Variants in CADM2 observed in about 807,000 individuals in gnomAD.
The protein encoded by CADM2 is immunoglobulin superfamily member 4D.
CADM2 carries 12 observed loss-of-function variants against 49.8 expected under a neutral mutation model. The ratio of observed to expected loss-of-function variants is 0.24; its 90% confidence interval spans 0.15 to 0.39. CADM2 has a LOEUF of 0.39. Among genes scored for constraint, CADM2 ranks in the 10% least tolerant of loss-of-function variants. The probability of loss-of-function intolerance (pLI) is 1.00; values close to 1 mark genes in which losing one functional copy is unlikely to be tolerated. For synonymous variants in CADM2, 214 were observed against 175.4 expected (o/e 1.22, Z -1.74); for missense variants, 378 against 492.3 (o/e 0.77, Z 2.20).
intron 1 of CADM2, among the ~76,000 whole-genome samples, chr3:85,306,025 AG>A (rs1226675811): frequency 1.3e-5 from 2 of 151,710 alleles, no homozygotes; most frequent in Non-Finnish European, 3.0e-5. Flanking sequence ...CCAAAAATGT[AG>A]GTCAAAACCT....
chr3:85,216,024 C>T (rs561939401), intron 1 of CADM2, among the ~76,000 whole-genome samples: 7 of 152,022 alleles, frequency 4.6e-5, no homozygotes, highest in Middle Eastern at 3.4e-3. Flanking sequence ...CTTACTATGA[C>T]GTTAAAGCCA....
intron 1 of CADM2, among the ~76,000 whole-genome samples, chr3:85,657,799 T>C (rs2065260322): frequency 6.7e-6 from 1 of 149,176 alleles, no homozygotes; most frequent in Non-Finnish European, 1.5e-5. Context: ...TTGAGTTAAA[T>C]TGTGTCCTCT....
chr3:85,065,098 T>C (rs1330127081), intron 1 of CADM2, among the ~76,000 whole-genome samples: 1 of 152,058 alleles, frequency 6.6e-6, no homozygotes, highest in Non-Finnish European at 1.5e-5. Flanking sequence ...ATAATACTAA[T>C]TTTTTTCCCA....
intron 8 of CADM2, among the ~76,000 whole-genome samples, chr3:86,061,986 T>TG (rs11456162): frequency 0.31 from 41,287 of 132,728 alleles, 5,900 homozygotes; most frequent in East Asian, 0.42. Flanking sequence ...CTGTTGATGG[T>TG]GGGGGGGGGG....
intron 1 of CADM2, among the ~76,000 whole-genome samples, chr3:85,464,543 A>T (rs1425387193): frequency 6.6e-6 from 1 of 152,162 alleles, no homozygotes; most frequent in Admixed American, 6.6e-5. Flanking sequence ...CTTAACTTTA[A>T]GGTGAGTCCA....
chr3:85,151,852 A>C (rs1252891284), intron 1 of CADM2, among the ~76,000 whole-genome samples: 1 of 152,212 alleles, frequency 6.6e-6, no homozygotes, highest in Non-Finnish European at 1.5e-5. Flanking sequence ...AGGTAGATTG[A>C]CTTGAACAAA....
intron 1 of CADM2, among the ~76,000 whole-genome samples, chr3:85,450,373 A>G (rs2037698989): frequency 6.6e-6 from 1 of 152,152 alleles, no homozygotes; most frequent in Admixed American, 6.6e-5. Context: ...AAATATGTAC[A>G]TATACACATA....
At chr3:85,619,132 C>T (rs1013407433) in intron 1 of CADM2, among the ~76,000 whole-genome samples, 2 of 151,880 alleles carry the variant, frequency 1.3e-5, no homozygotes, top group African/African-American at 4.8e-5. Context: ...GAAAAACAGA[C>T]AGGGTATTAA....
chr3:85,088,485 T>G (rs897511682), intron 1 of CADM2, among the ~76,000 whole-genome samples: 30 of 152,138 alleles, frequency 2.0e-4, no homozygotes, highest in African/African-American at 7.2e-4. Context: ...TAATGAAGTT[T>G]GTCTGAAACC....
At chr3:85,996,869 C>G (rs1288484045) in intron 8 of CADM2, among the ~76,000 whole-genome samples, 1 of 152,104 alleles carries the variant, frequency 6.6e-6, no homozygotes. Context: ...AGTCTTAAAA[C>G]AAGATAAACA....
intron 1 of CADM2, among the ~76,000 whole-genome samples, chr3:85,629,511 AT>A (rs1345953814): frequency 1.3e-5 from 2 of 151,942 alleles, no homozygotes; most frequent in Non-Finnish European, 2.9e-5. Flanking sequence ...TATATATTTA[AT>A]TGAAAGTAGC....
intron 1 of CADM2, among the ~76,000 whole-genome samples, chr3:85,524,922 T>C (rs58828944): frequency 0.51 from 78,258 of 152,016 alleles, 23,124 homozygotes; most frequent in East Asian, 0.85. Flanking sequence ...ATTTATTGTT[T>C]TGAAACCTAT....
At chr3:85,352,219 C>T (rs1267554442) in intron 1 of CADM2, among the ~76,000 whole-genome samples, 3 of 151,982 alleles carry the variant, frequency 2.0e-5, no homozygotes, top group Non-Finnish European at 4.4e-5. Context: ...TCCAAAGCAG[C>T]TTTATAGAAT....
At chr3:85,137,440 G>A (rs2039451144) in intron 1 of CADM2, among the ~76,000 whole-genome samples, 1 of 151,756 alleles carries the variant, frequency 6.6e-6, no homozygotes, top group East Asian at 1.9e-4. Context: ...ACAACACAAC[G>A]TATTTCCCTA....
intron 1 of CADM2, among the ~76,000 whole-genome samples, chr3:85,602,478 A>G (rs2063434585): frequency 1.3e-5 from 2 of 151,792 alleles, no homozygotes; most frequent in South Asian, 4.1e-4. Context: ...TCCATATCCA[A>G]TAACAAATCC....
chr3:85,662,746 T>C (rs553770852), intron 1 of CADM2, among the ~76,000 whole-genome samples: 1 of 152,176 alleles, frequency 6.6e-6, no homozygotes, highest in African/African-American at 2.4e-5. Context: ...CCAAGAATAT[T>C]TAACACTTCC....
chr3:85,094,263 T>C (rs2037709650), intron 1 of CADM2, among the ~76,000 whole-genome samples: 2 of 152,112 alleles, frequency 1.3e-5, no homozygotes, highest in African/African-American at 4.8e-5. Context: ...ATCATACCTT[T>C]ATAATAATAA....
At chr3:85,242,640 G>T (rs943353937) in intron 1 of CADM2, among the ~76,000 whole-genome samples, 1 of 151,666 alleles carries the variant, frequency 6.6e-6, no homozygotes, top group Non-Finnish European at 1.5e-5. Flanking sequence ...CCTCATCAAT[G>T]TCTGGGTTTT....
At chr3:85,335,825 T>C (rs975072117) in intron 1 of CADM2, among the ~76,000 whole-genome samples, 1 of 151,502 alleles carries the variant, frequency 6.6e-6, no homozygotes, top group Admixed American at 6.6e-5. Flanking sequence ...TTGGAGGCAG[T>C]ATGGATGTCT....
Sources: allele counts gnomAD v4.1 joint callset (sites outside exome capture counted in the v4.1 genomes callset), GRCh38; gene constraint gnomAD v4.1.1; transcripts MANE v1.5; gene names NCBI Gene and HGNC (gene_info 2026-07-23, HGNC 2026-07-21).